Variants in BRIP1 observed in about 807,000 individuals in gnomAD.
BRIP1 encodes the protein BRCA1 interacting DNA helicase 1, also known as Fanconi anemia group J protein.
BRIP1 carries 88 observed loss-of-function variants against 119.7 expected under a neutral mutation model. The ratio of observed to expected loss-of-function variants is 0.74; its 90% CI spans 0.62 to 0.88. The LOEUF is 0.88. Ranked by LOEUF, BRIP1 falls within the 40% of genes least tolerant of loss-of-function variation. The pLI, the probability that BRIP1 is intolerant of heterozygous loss-of-function variation, is 0.00. For missense variants in BRIP1, 1,259 were observed against 1,455.4 expected (o/e 0.87, Z 2.20); for synonymous variants, 443 against 496.5 (o/e 0.89, Z 1.43).
In BRIP1 at chr17:61,846,672, C is replaced by T. The variant is rs2078737925; in HGVS notation, c.627+429G>A. 8.1e-6 allele frequency among the ~76,000 whole-genome samples: 1 copy of T among 123,972 alleles called. No individual in the cohort carries two copies. The highest frequency in any genetic ancestry group is 3.3e-3 in the Middle Eastern group (1 of 302). 81.3% of individuals were successfully genotyped at this position (123,972 alleles called of 152,430 possible). ...AAAGTGCTGGGATTACAGGCGTGAG[C>T]CACCACGCCTGGCCTACAACATCTT... On this transcript the variant is annotated intron_variant, in intron 6 of 19. Transcript: ENST00000259008. The surrounding 1 kb of genome is among the most constrained non-coding windows in gnomAD (Gnocchi z 4.3).
In BRIP1 at chr17:61,853,906, T is replaced by C. The variant is rs2078857740; in HGVS notation, c.379+3152A>G. ...CATATCATCAAACAAGATACATGGA[T>C]AGCTAATAAGAACATGAAAATATGG... On this transcript the variant is annotated intron_variant, in intron 4 of 19. Coordinates refer to ENST00000259008, the MANE Select transcript of BRIP1 (RefSeq NM_032043.3). This position sits in a 1 kb window ranked among gnomAD's most constrained non-coding sequence, Gnocchi z 4.3. Among the ~76,000 whole-genome samples, 1 of 152,098 alleles carries C rather than the reference T, an allele frequency of 6.6e-6. No homozygotes were observed. The highest frequency in any genetic ancestry group is 2.4e-5 in the African/African-American group (1 of 41,402).
Position 61,724,490 on chromosome 17 carries a change from CA to C in BRIP1, c.2380-8428del, listed in dbSNP as rs1334773931. Among the ~76,000 whole-genome samples the C allele has an allele frequency of 6.6e-6, 1 of 152,050 alleles. No homozygotes were observed. The highest frequency in any genetic ancestry group is 2.4e-5 in the African/African-American group (1 of 41,414). On this transcript the variant is annotated intron_variant, in intron 16 of 19. Coordinates refer to ENST00000259008, the MANE Select transcript of BRIP1 (RefSeq NM_032043.3). The surrounding 1 kb of genome is among the most constrained non-coding windows in gnomAD (Gnocchi z 5.1). ...TCAACTTTCAGTCAAACTCTTTGCA[CA>C]AAAGTAGCCTTTTTAAAGTTTATCA... is the stretch of plus-strand genomic sequence containing the variant.
rs193042962 is a variant in BRIP1, at chr17:61,734,300, T to A, written c.2379+8713A>T. Among the ~76,000 whole-genome samples the A allele has an allele frequency of 2.0e-5, 3 of 152,354 alleles. No homozygotes were observed. In the East Asian group the frequency reaches 5.8e-4, roughly 29 times the overall value. The stretch of plus-strand genomic sequence containing the variant: ...CATGAAAAAGAAAACAACTTTTATT[T>A]TAGTTATACTTTTCCATCGACATCT... On this transcript the variant is annotated intron_variant, in intron 16 of 19. Transcript: ENST00000259008. This position sits in a 1 kb window ranked among gnomAD's most constrained non-coding sequence, Gnocchi z 5.2.
chr17:61,797,557 G>A (rs2077920439), intron 9 of BRIP1, among the ~76,000 whole-genome samples: 1 of 151,954 alleles, frequency 6.6e-6, no homozygotes, highest in Non-Finnish European at 1.5e-5. Context: ...AATAGAATTA[G>A]CAACTACAGA....
chr17:61,722,401 T>C lies in BRIP1; in HGVS notation c.2380-6338A>G, dbSNP rs1028534259. 7.2e-5 allele frequency among the ~76,000 whole-genome samples: 11 copies of C among 152,110 alleles called. No individual in the cohort carries two copies. The East Asian group carries it at 2.1e-3, about 29-fold the overall frequency. Reference sequence around the variant, plus strand: ...TGATAACATAACACCATAGTAAATATTAGATGATATGTTAATACCCTCCCT... The same window carrying C: ...TGATAACATAACACCATAGTAAATACTAGATGATATGTTAATACCCTCCCT... On this transcript the variant is annotated intron_variant, in intron 16 of 19. Transcript: ENST00000259008. The surrounding 1 kb of genome is among the most constrained non-coding windows in gnomAD (Gnocchi z 4.6).
rs751155307 is a variant in BRIP1 at position 61,796,533 on chromosome 17, C to T, written c.1340+2567G>A. Among the ~76,000 whole-genome samples, 2 of 151,918 alleles carry T rather than the reference C, an allele frequency of 1.3e-5. No individual in the cohort carries two copies. The highest frequency in any genetic ancestry group is 2.9e-5 in the Non-Finnish European group (2 of 67,910). On this transcript the variant is annotated intron_variant, in intron 9 of 19. Transcript: ENST00000259008. This position sits in a 1 kb window ranked among gnomAD's most constrained non-coding sequence, Gnocchi z 4.8. ...GACTGTCTTTCCCTCAGTGCATGTTCGTGGCACCTGTGTCAAAAATGAGTT... is the reference window on the plus strand; with the variant it reads ...GACTGTCTTTCCCTCAGTGCATGTTTGTGGCACCTGTGTCAAAAATGAGTT...
intron 17 of BRIP1, among the ~76,000 whole-genome samples, chr17:61,711,493 A>G (rs547714924): frequency 1.3e-5 from 2 of 152,124 alleles, no homozygotes; most frequent in African/African-American, 4.8e-5. Flanking sequence ...TAGGGAAAAA[A>G]GGGGAGCAGG....
rs2061905258 is a variant in BRIP1, at chr17:61,717,814, CTACTT to C, written c.2380-1756_2380-1752del. 6.6e-6 allele frequency among the ~76,000 whole-genome samples: 1 copy of C among 152,046 alleles called. No individual in the cohort carries two copies. Among genetic ancestry groups the C allele is most frequent in the Non-Finnish European group, 1.5e-5 (1 of 68,004 alleles). On this transcript the variant is annotated intron_variant, in intron 16 of 19. Transcript: ENST00000259008. The surrounding 1 kb of genome is among the most constrained non-coding windows in gnomAD (Gnocchi z 4.1). Reference sequence around the variant, plus strand: ...AGACTCCAATTACAACTATATTAGACTACTTTATATTACTCCACATGTCACTGACC... The same window carrying C: ...AGACTCCAATTACAACTATATTAGACTATATTACTCCACATGTCACTGACC...
rs78199132 is a variant in BRIP1, at chr17:61,720,132, G to A, written c.2380-4069C>T. 3.4e-3 allele frequency among the ~76,000 whole-genome samples: 511 copies of A among 152,176 alleles called. 4 individuals carry two copies. The highest frequency in any genetic ancestry group is 0.012 in the African/African-American group (483 of 41,518). On this transcript the variant is annotated intron_variant, in intron 16 of 19. Coordinates refer to ENST00000259008, the MANE Select transcript of BRIP1 (RefSeq NM_032043.3). This position sits in a 1 kb window ranked among gnomAD's most constrained non-coding sequence, Gnocchi z 4.3. ...AATACAGGCATGAGCCACTGCGTCT[G>A]GCTGAGATTTGTTAAAGGATATAAA...
chr17:61,861,694 G>T lies in BRIP1; in HGVS notation c.-30-125C>A. On this transcript the variant is annotated intron_variant, in intron 1 of 19. Coordinates refer to ENST00000259008, the MANE Select transcript of BRIP1 (RefSeq NM_032043.3). The surrounding 1 kb of genome is among the most constrained non-coding windows in gnomAD (Gnocchi z 4.5). ...AATAAAAGTATAAACAAAACAAATG[G>T]AAACAAAATAATTTCCTAGTCTTAT... 1.5e-6 allele frequency: 1 copy of T among 665,558 alleles called. No individual in the cohort carries two copies. The highest frequency in any genetic ancestry group is 2.7e-6 in the Non-Finnish European group (1 of 373,734). The allele number at this position is 665,558 out of a possible 1,614,324, so 41.2% of individuals were successfully genotyped here.
At position 61,796,844 on chromosome 17, in the gene BRIP1, T is replaced by C. The variant is rs2077907519; in HGVS notation, c.1340+2256A>G. ...TGATAGATATGAACAATCAATGATA[T>C]TGAGGAATTGGGGATATACTGTGCA... On this transcript the variant is annotated intron_variant, in intron 9 of 19. Coordinates refer to ENST00000259008, the MANE Select transcript of BRIP1 (RefSeq NM_032043.3). This position sits in a 1 kb window ranked among gnomAD's most constrained non-coding sequence, Gnocchi z 4.8. Among the ~76,000 whole-genome samples, 1 of 151,938 alleles carries C rather than the reference T, an allele frequency of 6.6e-6. No individual in the cohort carries two copies. The highest frequency in any genetic ancestry group is 2.4e-5 in the African/African-American group (1 of 41,376).
In BRIP1 at chr17:61,823,173, T is replaced by C. The variant is rs1377290955; in HGVS notation, c.628-14416A>G. On this transcript the variant is annotated intron_variant, in intron 6 of 19. Coordinates refer to ENST00000259008, the MANE Select transcript of BRIP1 (RefSeq NM_032043.3). The surrounding 1 kb of genome is among the most constrained non-coding windows in gnomAD (Gnocchi z 4.8). The stretch of plus-strand genomic sequence containing the variant: ...CACAAGTAATGCAACATCTGGCTTA[T>C]AGTAGTTTTCACTTAGAACAATGCA... 2.0e-5 allele frequency among the ~76,000 whole-genome samples: 3 copies of C among 152,258 alleles called. No homozygotes were observed. The highest frequency in any genetic ancestry group is 4.1e-4 in the South Asian group (2 of 4,836).
At position 61,752,465 on chromosome 17, in the gene BRIP1, A is replaced by G. The variant is rs2077144293; in HGVS notation, c.2098-7874T>C. Among the ~76,000 whole-genome samples, 1 of 152,234 alleles carries G rather than the reference A, an allele frequency of 6.6e-6. No individual in the cohort carries two copies. Among genetic ancestry groups the G allele is most frequent in the South Asian group, 2.1e-4 (1 of 4,834 alleles). On this transcript the variant is annotated intron_variant, in intron 14 of 19. Coordinates refer to ENST00000259008, the MANE Select transcript of BRIP1 (RefSeq NM_032043.3). The surrounding 1 kb of genome is among the most constrained non-coding windows in gnomAD (Gnocchi z 6.2). ...TTGTTGAACTCACTGTTCACTATTA[A>G]TTAAGGTTCCAGACTTAGCAAAATT...
In BRIP1 at chr17:61,687,812, A is replaced by C. The variant is rs1178538067; in HGVS notation, c.2576-1647T>G. Among the ~76,000 whole-genome samples, 1 of 152,170 alleles carries C rather than the reference A, an allele frequency of 6.6e-6. No homozygotes were observed. The highest frequency in any genetic ancestry group is 2.4e-5 in the African/African-American group (1 of 41,454). ...CCTCTTGTCATGATCCCCACTTCAG[A>C]ATATACCTGGCTGCTTCTTCCTGGG... is the stretch of plus-strand genomic sequence containing the variant. On this transcript the variant is annotated intron_variant, in intron 18 of 19. Transcript: ENST00000259008. This position sits in a 1 kb window ranked among gnomAD's most constrained non-coding sequence, Gnocchi z 5.1.
Position 61,802,609 on chromosome 17 carries a change from T to C in BRIP1, c.919-1135A>G, listed in dbSNP as rs2078012797. ...ATTAAAAATCATACAAGGAAAATCT[T>C]GACATCACTAAGCATCTTTTCGTTG... On this transcript the variant is annotated intron_variant, in intron 7 of 19. Coordinates refer to ENST00000259008, the MANE Select transcript of BRIP1 (RefSeq NM_032043.3). This position sits in a 1 kb window ranked among gnomAD's most constrained non-coding sequence, Gnocchi z 6.0. Among the ~76,000 whole-genome samples, 1 of 152,194 alleles carries C rather than the reference T, an allele frequency of 6.6e-6. No homozygotes were observed. Among genetic ancestry groups the C allele is most frequent in the South Asian group, 2.1e-4 (1 of 4,828 alleles).
rs531212983 is a variant in BRIP1 at position 61,831,169 on chromosome 17, C to T, written c.627+15932G>A. 5.9e-5 allele frequency among the ~76,000 whole-genome samples: 9 copies of T among 152,200 alleles called. No homozygotes were observed. Among genetic ancestry groups the T allele is most frequent in the Non-Finnish European group, 1.2e-4 (8 of 68,040 alleles). On this transcript the variant is annotated intron_variant, in intron 6 of 19. Coordinates refer to ENST00000259008, the MANE Select transcript of BRIP1 (RefSeq NM_032043.3). This position sits in a 1 kb window ranked among gnomAD's most constrained non-coding sequence, Gnocchi z 4.1. ...CAGAACACCTAGCACAAATGTCATA[C>T]AGAACAGTGAGGGACCAGAATGTTT...
At chr17:61,788,469 G>A (rs1391799237) in intron 10 of BRIP1, among the ~76,000 whole-genome samples, 2 of 152,094 alleles carry the variant, frequency 1.3e-5, no homozygotes, top group African/African-American at 4.8e-5. Flanking sequence ...GAGATTATAA[G>A]CTAATTCTAA....
Position 61,774,352 on chromosome 17 carries a change from G to A in BRIP1, c.2097+2049C>T, listed in dbSNP as rs555716988. ...TCACAAAGACAGAAAACCAAACACC[G>A]CATGTTCTCACTCATAGGTGGGAAT... On this transcript the variant is annotated intron_variant, in intron 14 of 19. Coordinates refer to ENST00000259008, the MANE Select transcript of BRIP1 (RefSeq NM_032043.3). This position sits in a 1 kb window ranked among gnomAD's most constrained non-coding sequence, Gnocchi z 5.8. Among the ~76,000 whole-genome samples the A allele has an allele frequency of 2.4e-4, 37 of 152,098 alleles. No individual in the cohort carries two copies. Among genetic ancestry groups the A allele is most frequent in the Non-Finnish European group, 4.7e-4 (32 of 68,020 alleles).
chr17:61,749,433 C>T (rs1483519016), intron 14 of BRIP1, among the ~76,000 whole-genome samples: 1 of 151,708 alleles, frequency 6.6e-6, no homozygotes, highest in African/African-American at 2.4e-5. Context: ...GAAAAACAGG[C>T]AAAGGACATG....
Sources: gnomAD v4.1 joint callset for allele counts (sites outside exome capture counted in the v4.1 genomes callset) on GRCh38, gnomAD v4.1.1 for gene constraint, Gnocchi (gnomAD v3.1) non-coding constraint, MANE v1.5 for transcripts, NCBI Gene and HGNC (gene_info 2026-07-23, HGNC 2026-07-21) for gene names.